RGS18: variants seen among roughly 807,000 people sequenced by gnomAD.
RGS18 encodes the protein regulator of G protein signaling 18, also known as regulator of G-protein signaling 18.
In RGS18, 22 loss-of-function variants were observed where a neutral mutation model predicts 27.6. The observed-to-expected ratio is 0.80, with a 90% CI of 0.57 to 1.14. The LOEUF (loss-of-function observed/expected upper bound fraction) is 1.14. Ranked by LOEUF, RGS18 falls within the 50% of genes most tolerant of loss-of-function variation. The probability of loss-of-function intolerance (pLI) is 0.00; values close to 1 mark genes in which losing one functional copy is unlikely to be tolerated. For missense variants in RGS18, 299 were observed against 269.6 expected, an observed-to-expected ratio of 1.11 and a Z score of -0.76; for synonymous variants, 89 against 84.6, an observed-to-expected ratio of 1.05 and a Z score of -0.29.
At chr1:192,166,926 A>C (rs1282060265) in intron 3 of RGS18, among the ~76,000 whole-genome samples, 1 of 152,190 alleles carries the variant, frequency 6.6e-6, no homozygotes, top group Non-Finnish European at 1.5e-5. Context: ...GCTTATCTGA[A>C]TGAAAATGTT....
chr1:192,184,348 C>G lies in RGS18; in HGVS notation c.502C>G (p.Pro168Ala). The change falls in exon 5 of 5, where the codon CCT becomes GCT. Residue 168 changes from proline to alanine, a missense_variant. Transcript: ENST00000367460. The stretch of plus-strand genomic sequence containing the variant: ...AGTCATTACAAACAGCATCACTCAA[C>G]CTACCCTCCACAGTTTTGATGCTGC... The part of the protein sequence containing the change: ...KEVITNSITQ[P>A]TLHSFDAAQS... 1 of 1,611,432 alleles carries G rather than the reference C, an allele frequency of 6.2e-7. No individual in the cohort carries two copies. The highest frequency in any genetic ancestry group is 8.5e-7 in the Non-Finnish European group (1 of 1,178,258).
At chr1:192,171,292 T>G (rs1250923031) in intron 3 of RGS18, among the ~76,000 whole-genome samples, 4 of 152,020 alleles carry the variant, frequency 2.6e-5, no homozygotes, top group Non-Finnish European at 5.9e-5. Context: ...CACTCTTGCT[T>G]CTCAGTGGTC....
chr1:192,173,243 A>G (rs572468141), intron 3 of RGS18, among the ~76,000 whole-genome samples: 6 of 152,124 alleles, frequency 3.9e-5, no homozygotes, highest in South Asian at 2.1e-4. Flanking sequence ...CAAAGCTACA[A>G]CATTTATTTC....
At chr1:192,179,543 GAAAT>G (rs748383623) in intron 3 of RGS18, among the ~76,000 whole-genome samples, 40 of 150,498 alleles carry the variant, frequency 2.7e-4, no homozygotes, top group Non-Finnish European at 5.3e-4. Context: ...GAAAAAAAAA[GAAAT>G]AACCCATGTT....
rs1331949617 is a variant in RGS18 at position 192,184,590 on chromosome 1, A to G, written c.*36A>G. ...TTTTGCTCATTTTTATGACAAACTT[A>G]TACATCTGCTTCTAACATATCGCAT... On this transcript the variant is annotated 3_prime_UTR_variant, in exon 5 of 5. Coordinates refer to ENST00000367460, the MANE Select transcript of RGS18 (RefSeq NM_130782.3). 6.3e-7 allele frequency: 1 copy of G among 1,582,310 alleles called. No homozygotes were observed. Among genetic ancestry groups the G allele is most frequent in the African/African-American group, 1.3e-5 (1 of 74,106 alleles).
intron 3 of RGS18, 129 bp from the exon 4 acceptor site, chr1:192,181,163 G>T: frequency 1.9e-6 from 1 of 525,160 alleles, no homozygotes; most frequent in Non-Finnish European, 3.3e-6. Context: ...CAAGATGTGT[G>T]CTGCGGTGCT....
At chr1:192,161,922 T>G (rs1656079847) in intron 3 of RGS18, among the ~76,000 whole-genome samples, 1 of 152,230 alleles carries the variant, frequency 6.6e-6, no homozygotes, top group South Asian at 2.1e-4. Context: ...GACCTTTTCA[T>G]GTTCTTCTGA....
intron 3 of RGS18, among the ~76,000 whole-genome samples, chr1:192,178,538 A>T (rs910250724): frequency 1.2e-4 from 18 of 151,622 alleles, no homozygotes; most frequent in Admixed American, 3.3e-4. Flanking sequence ...AATTACAGGC[A>T]ATTCTCTACC....
At position 192,181,304 on chromosome 1, in the gene RGS18, C is replaced by A. The variant is rs374832373; in HGVS notation, c.296C>A (p.Ala99Asp). 111 of 1,509,724 alleles carry A rather than the reference C, an allele frequency of 7.4e-5. No homozygotes were observed. Among genetic ancestry groups the A allele is most frequent in the Admixed American group, 1.4e-4 (7 of 49,620 alleles). The allele number at this position is 1,509,724 out of a possible 1,614,324, so 93.5% of individuals were successfully genotyped here. Residue 99 changes from alanine to aspartate, a missense_variant, in exon 4 of 5, where the codon GCT becomes GAT. Ala to Asp is a moderately radical substitution (Grantham distance 126). Transcript: ENST00000367460. ...ATTTTCTTGATAGATGGACTAGAGGCTTTTACCAGATTTCTTAAAACTGAA... is the reference window on the plus strand; with the variant it reads ...ATTTTCTTGATAGATGGACTAGAGGATTTTACCAGATTTCTTAAAACTGAA... ...KLLSHRDGLE[A>D]FTRFLKTEFS...
chr1:192,175,269 T>C (rs1656338269), intron 3 of RGS18, among the ~76,000 whole-genome samples: 1 of 151,802 alleles, frequency 6.6e-6, no homozygotes, highest in Admixed American at 6.6e-5. Flanking sequence ...TTTATTGATA[T>C]TTTATCAACA....
chr1:192,168,761 C>A (rs566760688), intron 3 of RGS18: 3 of 152,258 alleles, frequency 2.0e-5, no homozygotes, highest in African/African-American at 7.2e-5. Context: ...TAAGGACTTT[C>A]TTTTCTTTAC....
intron 3 of RGS18, among the ~76,000 whole-genome samples, chr1:192,174,088 A>G (rs1249430970): frequency 6.6e-6 from 1 of 151,392 alleles, no homozygotes; most frequent in Non-Finnish European, 1.5e-5. Flanking sequence ...GCATCTCACA[A>G]ATTTTTGATC....
intron 2 of RGS18, among the ~76,000 whole-genome samples, chr1:192,159,980 GA>G (rs1482276408): frequency 5.5e-4 from 84 of 152,008 alleles, no homozygotes; most frequent in Admixed American, 1.6e-3. Context: ...CAGCTTCAAG[GA>G]AATTGCAGTA....
chr1:192,159,096 A>T (rs1315205461), intron 1 of RGS18, 124 bp from the exon 2 acceptor site: 2 of 639,722 alleles, frequency 3.1e-6, no homozygotes, highest in African/African-American at 3.7e-5. Context: ...TTTAAATGGG[A>T]TTCATGAGTG....
chr1:192,169,353 C>G (rs569072507), intron 3 of RGS18: 25 of 152,276 alleles, frequency 1.6e-4, no homozygotes, highest in African/African-American at 6.0e-4. Flanking sequence ...TTCACTGGGT[C>G]AGTGCTACTT....
intron 3 of RGS18, among the ~76,000 whole-genome samples, chr1:192,166,377 T>C (rs1489455588): frequency 6.6e-6 from 1 of 152,136 alleles, no homozygotes; most frequent in African/African-American, 2.4e-5. Flanking sequence ...CTAAGAGATT[T>C]TGACATGATC....
At chr1:192,170,365 T>C (rs1196709931) in intron 3 of RGS18, among the ~76,000 whole-genome samples, 2 of 152,120 alleles carry the variant, frequency 1.3e-5, no homozygotes, top group African/African-American at 2.4e-5. Context: ...ATCATTCTTT[T>C]AGTTAACATG....
chr1:192,172,442 G>A (rs948783438), intron 3 of RGS18, among the ~76,000 whole-genome samples: 2 of 151,938 alleles, frequency 1.3e-5, no homozygotes, highest in Admixed American at 6.6e-5. Flanking sequence ...CTCACCAGAA[G>A]CCAAGCATAT....
In RGS18 at chr1:192,184,321, G is replaced by A. The variant is rs770790858; in HGVS notation, c.475G>A (p.Glu159Lys). The change falls in exon 5 of 5, where the codon GAA (glutamate) becomes AAA (lysine). Residue 159 changes from glutamate to lysine, a missense_variant. Physicochemically the swap from Glu to Lys is moderately conservative, Grantham distance 56. Coordinates refer to ENST00000367460, the MANE Select transcript of RGS18 (RefSeq NM_130782.3). ...KEVNLDFHTK[E>K]VITNSITQPT... ...GGTTAACCTTGATTTTCACACAAAA[G>A]AAGTCATTACAAACAGCATCACTCA... 3.1e-6 allele frequency: 5 copies of A among 1,609,512 alleles called. No individual in the cohort carries two copies. Among genetic ancestry groups the A allele is most frequent in the Admixed American group, 1.7e-5 (1 of 59,708 alleles).
Sources: allele counts gnomAD v4.1 joint callset (sites outside exome capture counted in the v4.1 genomes callset), GRCh38; gene constraint gnomAD v4.1.1; transcripts MANE v1.5; gene names NCBI Gene and HGNC (gene_info 2026-07-23, HGNC 2026-07-21).